Variants in EIF2AK4 observed in about 807,000 individuals in gnomAD.
EIF2AK4 encodes eukaryotic translation initiation factor 2 alpha kinase 4.
A neutral mutation model predicts 211.1 loss-of-function variants in EIF2AK4; 139 were observed. That is an observed-to-expected ratio of 0.66 (90% CI 0.57 to 0.76). EIF2AK4 has a LOEUF of 0.76. Ranked by LOEUF, EIF2AK4 falls within the 30% of genes least tolerant of loss-of-function variation. The pLI, the probability that EIF2AK4 is intolerant of heterozygous loss-of-function variation, is 0.00. For missense variants in EIF2AK4, 1,664 were observed against 2,043.8 expected (o/e 0.81, Z 3.58); for synonymous variants, 710 against 751.3 (o/e 0.94, Z 0.90).
intron 21 of EIF2AK4, 103 bp downstream of exon 21, chr15:40,001,327 T>C (rs1013111310): frequency 4.3e-6 from 5 of 1,169,392 alleles, no homozygotes; most frequent in Non-Finnish European, 2.4e-6. Flanking sequence ...TAAGTTCTTA[T>C]GTGAGGTATT....
At chr15:39,993,161 C>A (rs1012036806) in intron 18 of EIF2AK4, among the ~76,000 whole-genome samples, 1 of 151,088 alleles carries the variant, frequency 6.6e-6, no homozygotes, top group Non-Finnish European at 1.5e-5. Context: ...TCCATCCACC[C>A]GTCCATCCAC....
intron 11 of EIF2AK4, 191 bp downstream of exon 11, chr15:39,973,940 G>T (rs1409528406): frequency 1.2e-5 from 6 of 507,514 alleles, no homozygotes; most frequent in African/African-American, 2.0e-5. Flanking sequence ...GTTGAGAATT[G>T]TCCCACTCCT....
At chr15:40,007,512 G>A (rs779026023) in intron 24 of EIF2AK4, among the ~76,000 whole-genome samples, 3 of 152,184 alleles carry the variant, frequency 2.0e-5, no homozygotes, top group Non-Finnish European at 4.4e-5. Flanking sequence ...CAGCAGGAAC[G>A]CTGAGCGCTG....
intron 3 of EIF2AK4, among the ~76,000 whole-genome samples, chr15:39,944,609 A>G (rs2034200393): frequency 6.6e-6 from 1 of 151,550 alleles, no homozygotes; most frequent in Non-Finnish European, 1.5e-5. Context: ...TTTTTTTTGT[A>G]TTTTTAGTAG....
At chr15:39,993,267 C>G (rs1056530096) in intron 18 of EIF2AK4, among the ~76,000 whole-genome samples, 3 of 152,198 alleles carry the variant, frequency 2.0e-5, no homozygotes, top group East Asian at 3.8e-4. Context: ...AAACCAACCC[C>G]TATCTTGGGC....
At chr15:39,998,889 C>A in intron 20 of EIF2AK4, 105 bp downstream of exon 20, 1 of 925,412 alleles carries the variant, frequency 1.1e-6, no homozygotes, top group Non-Finnish European at 1.6e-6. Flanking sequence ...CTCTTGTGTC[C>A]TGGGAACAAC....
Position 40,035,477 on chromosome 15 carries a change from AAG to A in EIF2AK4, c.*395_*396del, listed in dbSNP as rs1294484817. The A allele has an allele frequency of 1.3e-5, 2 of 153,786 alleles. No individual in the cohort carries two copies. The highest frequency in any genetic ancestry group is 4.9e-5 in the African/African-American group (2 of 40,508). 9.5% of individuals were successfully genotyped at this position (153,786 alleles called of 1,614,324 possible). A position where few individuals can be genotyped will look rare whatever the true frequency, so the allele number is the denominator to read the frequency against. ...AGCAAGACCCTGTCTTAAAAAAAAA[AAG>A]AAAAAAAAAATTTTTTTCTAAGAAG... On this transcript the variant is annotated 3_prime_UTR_variant, in exon 39 of 39. Transcript: ENST00000263791.
chr15:40,008,860 C>A (rs2035197498), intron 25 of EIF2AK4, among the ~76,000 whole-genome samples: 1 of 152,164 alleles, frequency 6.6e-6, no homozygotes, highest in Non-Finnish European at 1.5e-5. Context: ...GCCTACGAGT[C>A]CGCTTTGCCA....
intron 18 of EIF2AK4, among the ~76,000 whole-genome samples, chr15:39,994,528 G>A (rs2034993549): frequency 6.6e-6 from 1 of 152,206 alleles, no homozygotes; most frequent in Non-Finnish European, 1.5e-5. Flanking sequence ...AGGACTGCTT[G>A]AGGCCAGGAG....
chr15:40,002,652 T>A, intron 21 of EIF2AK4, 61 bp from the exon 22 acceptor site: 1 of 1,568,952 alleles, frequency 6.4e-7, no homozygotes, highest in Non-Finnish European at 8.8e-7. Context: ...CACAGATTAA[T>A]ATTTTAAAGG....
At chr15:39,969,595 C>T (rs1009558195) in intron 9 of EIF2AK4, among the ~76,000 whole-genome samples, 2 of 152,018 alleles carry the variant, frequency 1.3e-5, no homozygotes, top group African/African-American at 2.4e-5. Context: ...CTCCTGACCT[C>T]GTGATCCGCC....
In EIF2AK4 at chr15:40,017,495, C is replaced by G. The variant is rs2035318668; in HGVS notation, c.4065+253C>G. On this transcript the variant is annotated intron_variant, in intron 29 of 38. Transcript: ENST00000263791. The stretch of plus-strand genomic sequence containing the variant: ...TGAGAGGGCTCATGTACCCTTTACT[C>G]TGTTTCTATATATATATATATATAT... Among the ~76,000 whole-genome samples the G allele has an allele frequency of 2.4e-5, 2 of 84,992 alleles. 1 individual carries two copies. Among genetic ancestry groups the G allele is most frequent in the East Asian group, 7.2e-4 (2 of 2,788 alleles). 55.8% of individuals were successfully genotyped at this position (84,992 alleles called of 152,430 possible). A position where few individuals can be genotyped will look rare whatever the true frequency, so the allele number is the denominator to read the frequency against.
chr15:39,949,418 A>G lies in EIF2AK4; in HGVS notation c.513+150A>G, dbSNP rs1353335478. The G allele has an allele frequency of 3.5e-6, 4 of 1,150,290 alleles. No individual in the cohort carries two copies. In the East Asian group the frequency reaches 1.0e-4, roughly 30 times the overall value. The allele number at this position is 1,150,290 out of a possible 1,614,324, so 71.3% of individuals were successfully genotyped here. A position where few individuals can be genotyped will look rare whatever the true frequency, so the allele number is the denominator to read the frequency against. On this transcript the variant is annotated intron_variant, in intron 4 of 38. Coordinates refer to ENST00000263791, the MANE Select transcript of EIF2AK4 (RefSeq NM_001013703.4). ...GGTAGACACATGTGAGAGTATGAAA[A>G]ATATGAGTGATTCCCTCCTGACACA...
At chr15:40,008,314 T>C (rs1425428066) in intron 25 of EIF2AK4, 119 bp downstream of exon 25, 2 of 912,536 alleles carry the variant, frequency 2.2e-6, no homozygotes, top group African/African-American at 1.7e-5. Context: ...AATCACATCT[T>C]TACTAAAGTA....
At chr15:39,969,956 C>G (rs1209683572) in intron 9 of EIF2AK4, among the ~76,000 whole-genome samples, 1 of 152,156 alleles carries the variant, frequency 6.6e-6, no homozygotes, top group Non-Finnish European at 1.5e-5. Context: ...CAGGTCTCAC[C>G]TCTATGTCCT....
At chr15:39,961,154 T>C (rs1345572706) in intron 6 of EIF2AK4, among the ~76,000 whole-genome samples, 4 of 152,188 alleles carry the variant, frequency 2.6e-5, no homozygotes, top group African/African-American at 9.6e-5. Flanking sequence ...TTTTAAGTGT[T>C]TTGGAGAAGT....
intron 37 of EIF2AK4, among the ~76,000 whole-genome samples, chr15:40,033,896 C>T (rs1023947452): frequency 6.6e-5 from 10 of 151,982 alleles, no homozygotes; most frequent in African/African-American, 2.4e-4. Context: ...GGCGTAGTGG[C>T]AGGCGCCTGT....
rs540210129 is a variant in EIF2AK4 at position 39,959,979 on chromosome 15, C to T, written c.744-1805C>T. 3.6e-4 allele frequency among the ~76,000 whole-genome samples: 54 copies of T among 151,996 alleles called. No individual in the cohort carries two copies. In the South Asian group the frequency reaches 7.1e-3, roughly 20 times the overall value. On this transcript the variant is annotated intron_variant, in intron 6 of 38. Transcript: ENST00000263791. Reference sequence around the variant, plus strand: ...GAGATCGAGACCAGCCTGGCTAACACGGTGAAACCCTGTCTCTACTAAAAA... The same window carrying T: ...GAGATCGAGACCAGCCTGGCTAACATGGTGAAACCCTGTCTCTACTAAAAA...
At chr15:40,031,009 G>A (rs113903581) in intron 35 of EIF2AK4, among the ~76,000 whole-genome samples, 2,036 of 152,288 alleles carry the variant, frequency 0.013, 45 homozygotes, top group African/African-American at 0.047. Context: ...GGAGGCCGAG[G>A]AGGGCGGATC....
Sources: gnomAD v4.1 joint callset for allele counts (sites outside exome capture counted in the v4.1 genomes callset) on GRCh38, gnomAD v4.1.1 for gene constraint, MANE v1.5 for transcripts, NCBI Gene and HGNC (gene_info 2026-07-23, HGNC 2026-07-21) for gene names.